Variants in DPP6 observed in about 807,000 individuals in gnomAD.
The protein encoded by DPP6 is dipeptidyl peptidase like 6, also known as A-type potassium channel modulatory protein DPP6.
In DPP6, 69 loss-of-function variants were observed where a neutral mutation model predicts 122.6. That is an observed-to-expected ratio of 0.56 (90% CI 0.46 to 0.69). The LOEUF (loss-of-function observed/expected upper bound fraction) is 0.69, where lower values mean the gene tolerates loss of function less well. DPP6 is among the 30% of genes least tolerant of loss of function. DPP6 has a pLI of 0.00. For synonymous variants in DPP6, 418 were observed against 433.1 expected (o/e 0.97, Z 0.43); for missense variants, 928 against 1,116.9 (o/e 0.83, Z 2.41).
chr7:154,123,633 G>C (rs1440357538), intron 1 of DPP6, among the ~76,000 whole-genome samples: 1 of 152,304 alleles, frequency 6.6e-6, no homozygotes, highest in African/African-American at 2.4e-5. Context: ...GTGCTTATCA[G>C]TAGGCTAGCA....
At chr7:153,922,508 G>A (rs1800686149) in intron 1 of DPP6, among the ~76,000 whole-genome samples, 1 of 152,128 alleles carries the variant, frequency 6.6e-6, no homozygotes, top group Admixed American at 6.5e-5. Flanking sequence ...CTAAAAACAA[G>A]ATGAAGCAAA....
At chr7:154,781,886 C>T (rs181917090) in intron 10 of DPP6, among the ~76,000 whole-genome samples, 1 of 152,340 alleles carries the variant, frequency 6.6e-6, no homozygotes, top group East Asian at 1.9e-4. Context: ...TATCACAGCA[C>T]ATTAATCCTT....
chr7:154,894,113 C>T lies in DPP6; in HGVS notation c.*1633C>T, dbSNP rs1005957191. The T allele has an allele frequency of 1.3e-5, 2 of 152,180 alleles. No individual in the cohort carries two copies. The highest frequency in any genetic ancestry group is 1.5e-5 in the Non-Finnish European group (1 of 68,044). 9.4% of individuals were successfully genotyped at this position (152,180 alleles called of 1,614,324 possible). ...GGACCAACGTGCTGATAAACAGGACCGATCCGAGTGCTACATGACTGTGCG... is the reference window on the plus strand; with the variant it reads ...GGACCAACGTGCTGATAAACAGGACTGATCCGAGTGCTACATGACTGTGCG... On this transcript the variant is annotated 3_prime_UTR_variant, in exon 26 of 26. Transcript: ENST00000377770.
intron 1 of DPP6, among the ~76,000 whole-genome samples, chr7:154,056,587 G>A (rs889857890): frequency 3.3e-5 from 5 of 152,098 alleles, no homozygotes; most frequent in Admixed American, 6.5e-5. Context: ...AGTGACACGT[G>A]GCTTCTTAGC....
Position 154,116,710 on chromosome 7 carries a change from T to C in DPP6, c.243+63647T>C, listed in dbSNP as rs187244625. On this transcript the variant is annotated intron_variant, in intron 1 of 25. Coordinates refer to ENST00000377770, the MANE Select transcript of DPP6 (RefSeq NM_130797.4). ...TTCTGATCTATCTTTCTTGAATTTT[T>C]CTTTGCTTAGTTTTTAATCAAGCCA... is the stretch of plus-strand genomic sequence containing the variant. Among the ~76,000 whole-genome samples, 1,137 of 152,384 alleles carry C rather than the reference T, an allele frequency of 7.5e-3. 19 individuals are homozygous for C. Among genetic ancestry groups the C allele is most frequent in the African/African-American group, 0.026 (1,090 of 41,592 alleles).
rs183205474 is a variant in DPP6 at position 154,863,622 on chromosome 7, C to T, written c.1715-4373C>T. 5.5e-4 allele frequency among the ~76,000 whole-genome samples: 83 copies of T among 152,192 alleles called. No individual in the cohort carries two copies. Among genetic ancestry groups the T allele is most frequent in the African/African-American group, 2.0e-3 (81 of 41,508 alleles). Reference sequence around the variant, plus strand: ...TTGAGTCCAGGAGTTTGAGACTAGCCTGGGAAACACAATGAGACCCTACCT... The same window carrying T: ...TTGAGTCCAGGAGTTTGAGACTAGCTTGGGAAACACAATGAGACCCTACCT... On this transcript the variant is annotated intron_variant, in intron 17 of 25. Coordinates refer to ENST00000377770, the MANE Select transcript of DPP6 (RefSeq NM_130797.4). This position sits in a 1 kb window ranked among gnomAD's most constrained non-coding sequence, Gnocchi z 4.1.
At chr7:154,055,744 A>C (rs1800771720) in intron 1 of DPP6, 2 of 152,206 alleles carry the variant, frequency 1.3e-5, no homozygotes, top group Non-Finnish European at 2.9e-5. Flanking sequence ...CGCAGGAGAA[A>C]TCTCCATCAC....
At chr7:154,180,100 C>T (rs1797995221) in intron 1 of DPP6, among the ~76,000 whole-genome samples, 1 of 152,070 alleles carries the variant, frequency 6.6e-6, no homozygotes, top group Admixed American at 6.6e-5. Context: ...GTGATCTAAG[C>T]ACTTTGAGAA....
At chr7:154,757,764 G>A (rs1052244385) in intron 8 of DPP6, among the ~76,000 whole-genome samples, 1 of 152,200 alleles carries the variant, frequency 6.6e-6, no homozygotes, top group Non-Finnish European at 1.5e-5. Flanking sequence ...CACGGGAGGG[G>A]CACGTTCAAC....
chr7:153,824,386 C>CAAAAA, the DPP6 span, among the ~76,000 whole-genome samples: 1,212 of 79,322 alleles, frequency 0.015, 56 homozygotes, highest in African/African-American at 0.039. Context: ...GAGTCTGTCT[C>CAAAAA]AAAAAAAAAA....
At position 154,877,405 on chromosome 7, in the gene DPP6, GCACACACA is replaced by G. The variant is rs3837065; in HGVS notation, c.2078+1325_2078+1332del. ...TGACTACAACAACACATGTGTGCGT[GCACACACA>G]CACACACACACACACACACCTCTCA... On this transcript the variant is annotated intron_variant, in intron 20 of 25. Transcript: ENST00000377770. The surrounding 1 kb of genome is among the most constrained non-coding windows in gnomAD (Gnocchi z 5.2). 0.27 allele frequency among the ~76,000 whole-genome samples: 39,999 copies of G among 149,752 alleles called. 6,389 individuals are homozygous for G. The highest frequency in any genetic ancestry group is 0.37 in the Non-Finnish European group (25,110 of 67,208).
chr7:154,892,563 G>T lies in DPP6; in HGVS notation c.*83G>T. 4 of 1,583,556 alleles carry T rather than the reference G, an allele frequency of 2.5e-6. No individual in the cohort carries two copies. Among genetic ancestry groups the T allele is most frequent in the Non-Finnish European group, 3.4e-6 (4 of 1,164,236 alleles). ...ATTTCCCTGCCCTCCCTCTTCCCTC[G>T]GAGGGGCGGGGCGGGGCGGGGCCGG... On this transcript the variant is annotated 3_prime_UTR_variant, in exon 26 of 26. Coordinates refer to ENST00000377770, the MANE Select transcript of DPP6 (RefSeq NM_130797.4).
At chr7:154,579,420 C>T (rs1347437091) in intron 5 of DPP6, among the ~76,000 whole-genome samples, 3 of 152,114 alleles carry the variant, frequency 2.0e-5, no homozygotes, top group Admixed American at 6.5e-5. Flanking sequence ...TATGCAAGTA[C>T]GAAAATTCAT....
At chr7:153,786,122 C>A in the DPP6 span, among the ~76,000 whole-genome samples, 2 of 152,150 alleles carry the variant, frequency 1.3e-5, no homozygotes, top group Non-Finnish European at 2.9e-5. Flanking sequence ...ATGTACTGAG[C>A]TGACTTAGAC....
At chr7:153,937,166 T>C (rs921837083) in intron 1 of DPP6, among the ~76,000 whole-genome samples, 1 of 152,132 alleles carries the variant, frequency 6.6e-6, no homozygotes, top group African/African-American at 2.4e-5. Flanking sequence ...TGGTCTCAAG[T>C]TCTAGGGCCA....
At chr7:154,562,600 A>T (rs1830490444) in intron 4 of DPP6, among the ~76,000 whole-genome samples, 1 of 152,194 alleles carries the variant, frequency 6.6e-6, no homozygotes, top group Non-Finnish European at 1.5e-5. Flanking sequence ...CTAGAGTGCA[A>T]TAAGGCAACC....
intron 16 of DPP6, among the ~76,000 whole-genome samples, chr7:154,835,406 G>T (rs1228332989): frequency 6.6e-6 from 1 of 152,180 alleles, no homozygotes; most frequent in African/African-American, 2.4e-5. Flanking sequence ...TATTTCTGTT[G>T]TTTTAAGCTG....
intron 1 of DPP6, chr7:153,887,788 C>A: frequency 1.3e-6 from 2 of 1,591,874 alleles, no homozygotes; most frequent in Non-Finnish European, 1.7e-6. Flanking sequence ...CCGTGAGGAG[C>A]GATGCTGGGG....
intron 1 of DPP6, among the ~76,000 whole-genome samples, chr7:154,226,260 A>T (rs1010608132): frequency 2.0e-5 from 3 of 152,194 alleles, no homozygotes; most frequent in Admixed American, 2.0e-4. Flanking sequence ...ATCCAAAAGC[A>T]TCTTGCCAAT....
Sources: allele counts gnomAD v4.1 joint callset (sites outside exome capture counted in the v4.1 genomes callset), GRCh38; gene constraint gnomAD v4.1.1; non-coding constraint Gnocchi (gnomAD v3.1); transcripts MANE v1.5; gene names NCBI Gene and HGNC (gene_info 2026-07-23, HGNC 2026-07-21).